ABCE1: variants seen among roughly 807,000 people sequenced by gnomAD.
ABCE1 encodes the protein ATP-binding cassette sub-family E member 1.
Under a neutral mutation model 83.4 loss-of-function variants are expected in ABCE1, and 22 were observed. The ratio of observed to expected loss-of-function variants is 0.26; its 90% confidence interval spans 0.19 to 0.38. The LOEUF (loss-of-function observed/expected upper bound fraction) is 0.38. ABCE1 is among the 10% of genes least tolerant of loss of function. ABCE1 has a pLI of 1.00. For missense variants in ABCE1, 330 were observed against 721.9 expected, an observed-to-expected ratio of 0.46 and a Z score of 6.22; for synonymous variants, 204 against 233.7, an observed-to-expected ratio of 0.87 and a Z score of 1.16.
chr4:145,107,164 A>T (rs959304), intron 3 of ABCE1, among the ~76,000 whole-genome samples: 1 of 152,060 alleles, frequency 6.6e-6, no homozygotes, highest in Non-Finnish European at 1.5e-5. Context: ...TATGTGTTTT[A>T]TTTTGTTTTT....
chr4:145,109,480 A>C (rs59601167), intron 5 of ABCE1, among the ~76,000 whole-genome samples: 1 of 152,172 alleles, frequency 6.6e-6, no homozygotes, highest in African/African-American at 2.4e-5. Context: ...ATTCTGCTTG[A>C]TTCTGCTGTA....
At chr4:145,117,879 G>A (rs141156131) in intron 10 of ABCE1, among the ~76,000 whole-genome samples, 30 of 151,794 alleles carry the variant, frequency 2.0e-4, no homozygotes, top group African/African-American at 6.7e-4. Context: ...TTTAGTAAGT[G>A]TATTAAAATT....
chr4:145,126,971 G>A (rs3775803), intron 17 of ABCE1, among the ~76,000 whole-genome samples: 14,190 of 152,098 alleles, frequency 0.093, 801 homozygotes, highest in South Asian at 0.18. Flanking sequence ...AGGACACTTT[G>A]TATTGTCATT....
intron 17 of ABCE1, among the ~76,000 whole-genome samples, chr4:145,126,525 G>C (rs1005364713): frequency 6.6e-6 from 1 of 152,136 alleles, no homozygotes; most frequent in Non-Finnish European, 1.5e-5. Context: ...TTGAACTCCT[G>C]ACCTAGTGTT....
At chr4:145,114,123 G>C (rs1027025748) in intron 9 of ABCE1, among the ~76,000 whole-genome samples, 9 of 152,094 alleles carry the variant, frequency 5.9e-5, no homozygotes, top group Non-Finnish European at 1.3e-4. Context: ...GTGATAAAGA[G>C]ACAATCTCAT....
chr4:145,118,055 T>A (rs1749650685), intron 10 of ABCE1, among the ~76,000 whole-genome samples: 1 of 151,666 alleles, frequency 6.6e-6, no homozygotes, highest in African/African-American at 2.4e-5. Context: ...CCTTTTTCCT[T>A]TTTTTCTTCC....
chr4:145,112,909 A>T (rs1192377435), intron 9 of ABCE1, among the ~76,000 whole-genome samples: 2 of 152,158 alleles, frequency 1.3e-5, no homozygotes, highest in African/African-American at 4.8e-5. Flanking sequence ...TGTTTGTTCT[A>T]GGTTACAAAT....
chr4:145,126,364 G>A (rs190851729), intron 17 of ABCE1, among the ~76,000 whole-genome samples: 38 of 152,026 alleles, frequency 2.5e-4, no homozygotes, highest in Admixed American at 1.0e-3. Flanking sequence ...GCGTGATCTC[G>A]GCTCACTACA....
chr4:145,104,459 G>A lies in ABCE1; in HGVS notation c.47G>A (p.Cys16Tyr). 1 of 1,603,408 alleles carries A rather than the reference G, an allele frequency of 6.2e-7. No homozygotes were observed. The highest frequency in any genetic ancestry group is 1.3e-5 in the African/African-American group (1 of 74,436). ...ATTGCTATTGTCAACCATGACAAAT[G>A]TAAACCTAAGAAATGTCGACAGGAA... ...TRIAIVNHDK[C>Y]KPKKCRQECK... Residue 16 changes from cysteine to tyrosine, a missense_variant, in exon 2 of 18, where the codon TGT becomes TAT. Transcript: ENST00000296577.
At chr4:145,113,686 A>T (rs1749539930) in intron 9 of ABCE1, among the ~76,000 whole-genome samples, 1 of 152,170 alleles carries the variant, frequency 6.6e-6, no homozygotes, top group African/African-American at 2.4e-5. Context: ...TTCAAAATAA[A>T]ATCTTTAAAT....
At position 145,104,509 on chromosome 4, in the gene ABCE1, C is replaced by A. The variant is rs1749244601; in HGVS notation, c.97C>A (p.Arg33=). 2 of 1,583,298 alleles carry A rather than the reference C, an allele frequency of 1.3e-6. No homozygotes were observed. Among genetic ancestry groups the A allele is most frequent in the Non-Finnish European group, 1.7e-6 (2 of 1,162,834 alleles). ...ATGCAAAAAGAGTTGTCCTGTAGTT[C>A]GAATGGGTAAGCTGTTCTGTGGATC... ...QECKKSCPVV[R]MGKLCIEVTP... Residue 33 remains arginine (R), a synonymous_variant, in exon 2 of 18, where the codon CGA becomes AGA. Coordinates refer to ENST00000296577, the MANE Select transcript of ABCE1 (RefSeq NM_002940.3).
intron 5 of ABCE1, among the ~76,000 whole-genome samples, chr4:145,109,761 C>T (rs1169709803): frequency 6.6e-6 from 1 of 152,082 alleles, no homozygotes; most frequent in Non-Finnish European, 1.5e-5. Context: ...ATTTCTGAAT[C>T]CTTGATTAAG....
chr4:145,105,750 C>A, intron 3 of ABCE1, 60 bp downstream of exon 3: 1 of 1,234,078 alleles, frequency 8.1e-7, no homozygotes, highest in Non-Finnish European at 1.2e-6. Context: ...TCTGAAAATT[C>A]TGGATACTAT....
In ABCE1 at chr4:145,117,362, T is replaced by C. The variant is rs1403087786; in HGVS notation, c.870T>C (p.Tyr290=). Residue 290 remains tyrosine (Y), a synonymous_variant, in exon 10 of 18, where the codon TAT becomes TAC. Transcript: ENST00000296577. ...TCTCCGACTTCATCTGCTGTTTATATGGTGTACCAAGCGCCTATGGAGTTG... is the reference window on the plus strand; with the variant it reads ...TCTCCGACTTCATCTGCTGTTTATACGGTGTACCAAGCGCCTATGGAGTTG... The part of the protein sequence containing the change: ...DYLSDFICCL[Y]GVPSAYGVVT... 1 of 1,611,156 alleles carries C rather than the reference T, an allele frequency of 6.2e-7. No homozygotes were observed. Among genetic ancestry groups the C allele is most frequent in the Non-Finnish European group, 8.5e-7 (1 of 1,178,456 alleles).
intron 7 of ABCE1, 48 bp downstream of exon 7, chr4:145,110,492 T>A (rs993955101): frequency 3.2e-6 from 5 of 1,569,742 alleles, no homozygotes; most frequent in Non-Finnish European, 4.4e-6. Flanking sequence ...ATTTATTTTT[T>A]GAGACGGAGT....
chr4:145,111,542 G>T (rs1749475730), intron 8 of ABCE1, among the ~76,000 whole-genome samples: 1 of 152,060 alleles, frequency 6.6e-6, no homozygotes, highest in Non-Finnish European at 1.5e-5. Context: ...TAGCCAGGTT[G>T]GTCTTGATCT....
At position 145,128,281 on chromosome 4, in the gene ABCE1, GTCAT is replaced by G. The variant is rs1225934968; in HGVS notation, c.*711_*714del. Reference sequence around the variant, plus strand: ...TGCATTCCATGAGGTTCTGTATTCAGTCATTCTCTAGGTAATGTCATTTTTGTAC... The same window carrying G: ...TGCATTCCATGAGGTTCTGTATTCAGTCTCTAGGTAATGTCATTTTTGTAC... On this transcript the variant is annotated 3_prime_UTR_variant, in exon 18 of 18. Transcript: ENST00000296577. The G allele has an allele frequency of 1.3e-5, 2 of 152,488 alleles. No individual in the cohort carries two copies. The highest frequency in any genetic ancestry group is 2.9e-5 in the Non-Finnish European group (2 of 68,008). The allele number at this position is 152,488 out of a possible 1,614,324, so 9.4% of individuals were successfully genotyped here.
intron 8 of ABCE1, among the ~76,000 whole-genome samples, chr4:145,111,332 C>T (rs1487724201): frequency 1.3e-5 from 2 of 152,032 alleles, no homozygotes; most frequent in South Asian, 2.1e-4. Context: ...TATCTAAGCT[C>T]TCTTTTTTTG....
chr4:145,126,085 G>T (rs890400402), intron 17 of ABCE1, among the ~76,000 whole-genome samples: 1 of 151,984 alleles, frequency 6.6e-6, no homozygotes, highest in Non-Finnish European at 1.5e-5. Flanking sequence ...TATTTTGAAA[G>T]TCTAAACAAG....
Sources: allele counts gnomAD v4.1 joint callset (sites outside exome capture counted in the v4.1 genomes callset), GRCh38; gene constraint gnomAD v4.1.1; transcripts MANE v1.5; gene names NCBI Gene and HGNC (gene_info 2026-07-23, HGNC 2026-07-21).